The following RYR1 variants were observed in gnomAD, a reference collection of about 807,000 sequenced individuals.
The protein encoded by RYR1 is central core disease of muscle.
Under a neutral mutation model 583.5 loss-of-function variants are expected in RYR1, and 342 were observed. That is an observed-to-expected ratio of 0.59 (90% CI 0.54 to 0.64). The LOEUF is 0.64. Ranked by LOEUF, RYR1 falls within the 30% of genes least tolerant of loss-of-function variation. The probability of loss-of-function intolerance (pLI) is 0.00; values close to 1 mark genes in which losing one functional copy is unlikely to be tolerated. For synonymous variants in RYR1, 2,791 were observed against 2,822.5 expected, an observed-to-expected ratio of 0.99 and a Z score of 0.35; for missense variants, 6,032 against 6,917.2, an observed-to-expected ratio of 0.87 and a Z score of 4.54.
At chr19:38,568,055 C>A in intron 93 of RYR1, 138 bp downstream of exon 93, 1 of 1,020,516 alleles carries the variant, frequency 9.8e-7, no homozygotes, top group Non-Finnish European at 1.5e-6. Flanking sequence ...GGGGAAAGGG[C>A]AGAGGTATCC....
intron 97 of RYR1, 96 bp downstream of exon 97, chr19:38,576,057 G>A: frequency 6.9e-7 from 1 of 1,443,176 alleles, no homozygotes; most frequent in African/African-American, 1.4e-5. Flanking sequence ...GTGTGACCTT[G>A]GGCAAGAGGT....
At chr19:38,582,169 G>A (rs981224375) in intron 101 of RYR1, among the ~76,000 whole-genome samples, 1 of 151,660 alleles carries the variant, frequency 6.6e-6, no homozygotes, top group African/African-American at 2.4e-5. Context: ...GGGCTGAGGG[G>A]GGCAGATTAC....
chr19:38,520,958 G>C (rs1484206638), intron 67 of RYR1, among the ~76,000 whole-genome samples: 1 of 152,060 alleles, frequency 6.6e-6, no homozygotes, highest in Non-Finnish European at 1.5e-5. Context: ...TTTACCATCT[G>C]TTTAATGTTC....
At chr19:38,533,386 T>C (rs1445494652) in intron 78 of RYR1, among the ~76,000 whole-genome samples, 1 of 152,194 alleles carries the variant, frequency 6.6e-6, no homozygotes, top group Non-Finnish European at 1.5e-5. Flanking sequence ...GGATCATGTT[T>C]TTAAATGTAT....
In RYR1 at chr19:38,483,455, T is replaced by C. The variant is rs1568481617; in HGVS notation, c.4873T>C (p.Trp1625Arg). The change falls in exon 33 of 106, where the codon TGG becomes CGG. Residue 1625 changes from tryptophan to arginine, a missense_variant. By Grantham distance (101) the Trp-to-Arg change is moderately radical (BLOSUM62 -3). This residue lies in a region of RYR1 where 2,627 missense variants were observed against 2,961.3 expected (regional missense o/e 0.89). Transcript: ENST00000359596. This position sits in a 1 kb window ranked among gnomAD's most constrained non-coding sequence, Gnocchi z 6.3. ...GAGGCGTGCCGGCGAGCGGCTGGGC[T>C]GGGCCGTGCAGTGCCAGGAGCCGCT... Reference protein sequence around the residue: ...ETRRAGERLGWAVQCQEPLTM... With the variant: ...ETRRAGERLGRAVQCQEPLTM... 1 of 1,570,276 alleles carries C rather than the reference T, an allele frequency of 6.4e-7. No homozygotes were observed. The highest frequency in any genetic ancestry group is 1.2e-5 in the South Asian group (1 of 85,760).
At chr19:38,509,692 C>T (rs1970643048) in intron 58 of RYR1, among the ~76,000 whole-genome samples, 2 of 151,854 alleles carry the variant, frequency 1.3e-5, no homozygotes, top group South Asian at 2.1e-4. Flanking sequence ...CTCCTGACCT[C>T]GTGATCCACC....
chr19:38,458,011 C>G, intron 17 of RYR1, 40 bp from the exon 18 acceptor site: 1 of 1,608,920 alleles, frequency 6.2e-7, no homozygotes, highest in Non-Finnish European at 8.5e-7. Flanking sequence ...TCCTCTCTGC[C>G]TCTCCGTCAT....
At chr19:38,449,531 C>T (rs1246052074) in intron 11 of RYR1, among the ~76,000 whole-genome samples, 1 of 152,178 alleles carries the variant, frequency 6.6e-6, no homozygotes, top group Non-Finnish European at 1.5e-5. Context: ...TAATGACCAA[C>T]TGAGAATAAC....
chr19:38,490,374 T>A lies in RYR1; in HGVS notation c.6015+98T>A, dbSNP rs1330076699. On this transcript the variant is annotated intron_variant, in intron 36 of 105. Transcript: ENST00000359596. ...TGAGGACCCTCAACCTCTAAACCCG[T>A]GCTTGACCCCTGACCCTAGTGATAC... 8 of 1,217,124 alleles carry A rather than the reference T, an allele frequency of 6.6e-6. No homozygotes were observed. In the African/African-American group the frequency reaches 1.1e-4, roughly 16 times the overall value. 75.4% of individuals were successfully genotyped at this position (1,217,124 alleles called of 1,614,324 possible). A position where few individuals can be genotyped will look rare whatever the true frequency, so the allele number is the denominator to read the frequency against.
Position 38,543,549 on chromosome 19 carries a change from C to T in RYR1, c.11796C>T (p.Phe3932=). 1 of 1,612,976 alleles carries T rather than the reference C, an allele frequency of 6.2e-7. No homozygotes were observed. The highest frequency in any genetic ancestry group is 8.5e-7 in the Non-Finnish European group (1 of 1,179,444). Residue 3932 remains phenylalanine, a synonymous_variant, in exon 86 of 106, where the codon TTC becomes TTT. Coordinates refer to ENST00000359596, the MANE Select transcript of RYR1 (RefSeq NM_000540.3). The surrounding 1 kb of genome is among the most constrained non-coding windows in gnomAD (Gnocchi z 4.4). Reference sequence around the variant, plus strand: ...CCCACCAGGAATCCATCAGCGACTTCTACTGGTACTACTCGGGCAAGGATG... The same window carrying T: ...CCCACCAGGAATCCATCAGCGACTTTTACTGGTACTACTCGGGCAAGGATG... ...LLRLQESISD[F]YWYYSGKDVI...
Position 38,473,627 on chromosome 19 carries a change from G to C in RYR1, c.4016G>C (p.Gly1339Ala), listed in dbSNP as rs1332294795. The C allele has an allele frequency of 6.4e-7, 1 of 1,564,598 alleles. No homozygotes were observed. The highest frequency in any genetic ancestry group is 8.7e-7 in the Non-Finnish European group (1 of 1,154,706). ...PDYENLRRSA[G>A]GWSEAENGKE... ...TACGAAAACCTGCGCCGCTCAGCTG[G>C]GGGCTGGAGCGAGGCAGAGAACGGC... Residue 1339 changes from glycine (G) to alanine (A), a missense_variant, in exon 28 of 106, where the codon GGG becomes GCG. By Grantham distance (60) the Gly-to-Ala change is moderately conservative. Coordinates refer to ENST00000359596, the MANE Select transcript of RYR1 (RefSeq NM_000540.3).
chr19:38,448,243 G>A, intron 9 of RYR1, 112 bp from the exon 10 acceptor site: 2 of 1,232,092 alleles, frequency 1.6e-6, no homozygotes. Context: ...ATCAGCTTGG[G>A]CAACATAGCA....
In RYR1 at chr19:38,548,364, T is replaced by C. The variant is rs1298885611; in HGVS notation, c.12226T>C (p.Phe4076Leu). The change falls in exon 89 of 106, where the codon TTC becomes CTC. Residue 4076 changes from phenylalanine (F) to leucine (L), a missense_variant. Phe to Leu is a conservative substitution (Grantham distance 22). Transcript: ENST00000359596. Reference sequence around the variant, plus strand: ...CAAGGACATTGTGGGCTCTGAAGCCTTCCAGGACTACGTAACGGATCCCCG... The same window carrying C: ...CAAGGACATTGTGGGCTCTGAAGCCCTCCAGGACTACGTAACGGATCCCCG... ...KLKDIVGSEA[F>L]QDYVTDPRGL... is the part of the protein sequence containing the mutation. 7 of 1,614,204 alleles carry C rather than the reference T, an allele frequency of 4.3e-6. No homozygotes were observed. Among genetic ancestry groups the C allele is most frequent in the Non-Finnish European group, 5.1e-6 (6 of 1,180,034 alleles).
rs754094372 is a variant in RYR1, at chr19:38,489,235, A to T, written c.5606A>T (p.Glu1869Val). ...CAGATCTTGAAGATGATTGAGCCTG[A>T]GGTCTTCACTGAGGAAGAAGAGGAG... The part of the protein sequence containing the change: ...VKQILKMIEP[E>V]VFTEEEEEED... The change falls in exon 35 of 106, where the codon GAG becomes GTG. Residue 1869 changes from glutamate to valine, a missense_variant. This residue lies in a region of RYR1 where 2,627 missense variants were observed against 2,961.3 expected (regional missense o/e 0.89). Transcript: ENST00000359596. 5 of 1,613,830 alleles carry T rather than the reference A, an allele frequency of 3.1e-6. No individual in the cohort carries two copies. The South Asian group carries it at 3.3e-5, about 11-fold the overall frequency.
chr19:38,490,486 C>T (rs1316324037), intron 36 of RYR1, 135 bp from the exon 37 acceptor site: 7 of 802,520 alleles, frequency 8.7e-6, no homozygotes, highest in African/African-American at 1.7e-5. Flanking sequence ...CCCTAGTCTC[C>T]CAAATAGTCT....
chr19:38,530,987 C>CTTTTTTTTTTTTTTT (rs59244176), intron 76 of RYR1, among the ~76,000 whole-genome samples: 4 of 129,378 alleles, frequency 3.1e-5, no homozygotes, highest in Admixed American at 8.0e-5. Flanking sequence ...TTTTCTTTCT[C>CTTTTTTTTTTTTTTT]TTTTTTTTTT....
At chr19:38,525,750 A>G (rs1224514240) in intron 71 of RYR1, among the ~76,000 whole-genome samples, 1 of 151,524 alleles carries the variant, frequency 6.6e-6, no homozygotes, top group Non-Finnish European at 1.5e-5. Flanking sequence ...AAACCTAGAA[A>G]AGCTCTAGGA....
In RYR1 at chr19:38,565,823, G is replaced by C; in HGVS notation, c.13437+52G>C. 7.3e-7 allele frequency: 1 copy of C among 1,360,862 alleles called. No individual in the cohort carries two copies. The highest frequency in any genetic ancestry group is 9.4e-7 in the Non-Finnish European group (1 of 1,063,660). 84.3% of individuals were successfully genotyped at this position (1,360,862 alleles called of 1,614,324 possible). ...TTTTGGAAAGATGGGGGATTGGAGG[G>C]AGGAAGAGAGCCCGGCTGGGTGGAG... On this transcript the variant is annotated intron_variant, in intron 91 of 105. Transcript: ENST00000359596. This position sits in a 1 kb window ranked among gnomAD's most constrained non-coding sequence, Gnocchi z 4.7.
rs1967339908 is a variant in RYR1, at chr19:38,455,716, A to G, written c.1756A>G (p.Ile586Val). ...CCAGGAGAATCACATCAAGTCCATC[A>G]TCTCCCTCCTGGACAAGCATGGGAG... is the stretch of plus-strand genomic sequence containing the variant. ...IIQENHIKSI[I>V]SLLDKHGRNH... is the part of the protein sequence containing the mutation. Residue 586 changes from isoleucine (I) to valine (V), a missense_variant, in exon 16 of 106, where the codon ATC (isoleucine) becomes GTC (valine). By Grantham distance (29) the Ile-to-Val change is conservative. Around this residue, in one of 11 missense-constraint regions of RYR1, gnomAD observed 2,627 missense variants for 2,961.3 expected, o/e 0.89. Coordinates refer to ENST00000359596, the MANE Select transcript of RYR1 (RefSeq NM_000540.3). 15 of 1,613,132 alleles carry G rather than the reference A, an allele frequency of 9.3e-6. No individual in the cohort carries two copies. Among genetic ancestry groups the G allele is most frequent in the Non-Finnish European group, 1.1e-5 (13 of 1,179,538 alleles).
Sources: gnomAD v4.1 joint callset for allele counts (sites outside exome capture counted in the v4.1 genomes callset) on GRCh38, gnomAD v4.1.1 for gene constraint, gnomAD v4.1.1 regional missense constraint, Gnocchi (gnomAD v3.1) non-coding constraint, MANE v1.5 for transcripts, NCBI Gene and HGNC (gene_info 2026-07-23, HGNC 2026-07-21) for gene names.